The following GOLGA4 variants were observed in gnomAD, a reference collection of about 807,000 sequenced individuals.
GOLGA4 encodes golgin A4.
A neutral mutation model predicts 265.9 loss-of-function variants in GOLGA4; 169 were observed. The ratio of observed to expected loss-of-function variants is 0.64; its 90% CI spans 0.56 to 0.72. The LOEUF (loss-of-function observed/expected upper bound fraction) is 0.72, where lower values mean the gene tolerates loss of function less well. Among genes scored for constraint, GOLGA4 ranks in the 30% least tolerant of loss-of-function variants. The pLI is 0.00. For missense variants in GOLGA4, 2,482 were observed against 2,483.4 expected (o/e 1.00, Z 0.01); for synonymous variants, 923 against 855.8 (o/e 1.08, Z -1.37).
Position 37,257,953 on chromosome 3 carries a change from GTATATATGTATATATACATACATA to G in GOLGA4, c.162+6481_162+6504del, listed in dbSNP as rs2096755356. Among the ~76,000 whole-genome samples the G allele has an allele frequency of 3.0e-4, 28 of 93,152 alleles. 3 individuals are homozygous for G. The highest frequency in any genetic ancestry group is 1.5e-3 in the African/African-American group (28 of 18,632). The allele number at this position is 93,152 out of a possible 152,430, so 61.1% of individuals were successfully genotyped here. A position where few individuals can be genotyped will look rare whatever the true frequency, so the allele number is the denominator to read the frequency against. On this transcript the variant is annotated intron_variant, in intron 2 of 23. Coordinates refer to ENST00000361924, the MANE Select transcript of GOLGA4 (RefSeq NM_002078.5). ...TATATATACATACATATATATGTAT[GTATATATGTATATATACATACATA>G]TATATATGTATGTATATATGTATAT...
rs1372050378 is a variant in GOLGA4 at position 37,337,135 on chromosome 3, T to G, written c.6307-8T>G. 1 of 1,454,592 alleles carries G rather than the reference T, an allele frequency of 6.9e-7. No individual in the cohort carries two copies. Among genetic ancestry groups the G allele is most frequent in the Non-Finnish European group, 9.5e-7 (1 of 1,047,170 alleles). 90.1% of individuals were successfully genotyped at this position (1,454,592 alleles called of 1,614,324 possible). On this transcript the variant is annotated splice_polypyrimidine_tract_variant and splice_region_variant and intron_variant, in intron 17 of 23. Coordinates refer to ENST00000361924, the MANE Select transcript of GOLGA4 (RefSeq NM_002078.5). Reference sequence around the variant, plus strand: ...ATACACTCATGTTTTTTCTTTCCATTTTTTCAGGTAACAATTATGGAGCTA... The same window carrying G: ...ATACACTCATGTTTTTTCTTTCCATGTTTTCAGGTAACAATTATGGAGCTA...
At chr3:37,353,429 G>C (rs1353499479) in intron 21 of GOLGA4, among the ~76,000 whole-genome samples, 1 of 152,050 alleles carries the variant, frequency 6.6e-6, no homozygotes, top group Non-Finnish European at 1.5e-5. Context: ...TTGGTTTCTA[G>C]ACTTCAGTTT....
Position 37,298,731 on chromosome 3 carries a change from A to T in GOLGA4, c.815-102A>T, listed in dbSNP as rs1461361962. 11 of 753,942 alleles carry T rather than the reference A, an allele frequency of 1.5e-5. No individual in the cohort carries two copies. In the East Asian group the frequency reaches 2.3e-4, roughly 16 times the overall value. The allele number at this position is 753,942 out of a possible 1,614,324, so 46.7% of individuals were successfully genotyped here. ...AGCTTAAAGGTTAGAACCAAGATGG[A>T]GTCGGTTAGATTAGATCTCTTTGAC... On this transcript the variant is annotated intron_variant, in intron 7 of 23. Coordinates refer to ENST00000361924, the MANE Select transcript of GOLGA4 (RefSeq NM_002078.5).
chr3:37,289,258 TA>T lies in GOLGA4; in HGVS notation c.552del (p.Lys184AsnfsTer6). 1 of 1,597,572 alleles carries T rather than the reference TA, an allele frequency of 6.3e-7. No homozygotes were observed. The highest frequency in any genetic ancestry group is 1.7e-5 in the Admixed American group (1 of 58,726). ...LQGILSQSQD[K>X]SLRRIAELRE... ...AGGGTATATTAAGTCAGAGTCAGGA[TA>T]AATCACTTCGGAGAATAGCAGAATT... On this transcript the variant is annotated frameshift_variant, in exon 5 of 24. Transcript: ENST00000361924. LOFTEE classifies it high-confidence loss of function.
rs760820337 is a variant in GOLGA4 at position 37,326,997 on chromosome 3, A to C, written c.5111A>C (p.Glu1704Ala). ...KLKSVESSQS[E>A]TLIVPRSAKN... The stretch of plus-strand genomic sequence containing the variant: ...AAGTCAGTGGAAAGTTCACAGTCAG[A>C]AACATTAATTGTACCCAGATCAGCA... Residue 1704 changes from glutamate (E) to alanine (A), a missense_variant, in exon 14 of 24, where the codon GAA becomes GCA. By Grantham distance (107) the Glu-to-Ala change is moderately radical (BLOSUM62 -1). This residue lies in a region of GOLGA4 where 942 missense variants were observed against 983.1 expected (regional missense o/e 0.96). Transcript: ENST00000361924. 3.1e-6 allele frequency: 5 copies of C among 1,613,902 alleles called. No individual in the cohort carries two copies. In the South Asian group the frequency reaches 5.5e-5, roughly 18 times the overall value.
At chr3:37,320,796 C>T (rs919270597) in intron 12 of GOLGA4, among the ~76,000 whole-genome samples, 15 of 152,188 alleles carry the variant, frequency 9.9e-5, no homozygotes, top group African/African-American at 3.4e-4. Flanking sequence ...GGTACCTGTG[C>T]CTGCCCTTTT....
intron 21 of GOLGA4, among the ~76,000 whole-genome samples, chr3:37,349,857 G>A (rs1250321822): frequency 1.3e-5 from 2 of 152,112 alleles, no homozygotes; most frequent in African/African-American, 2.4e-5. Context: ...GTCTGCTTTT[G>A]TACACAGTGT....
chr3:37,350,448 A>G (rs1286584435), intron 21 of GOLGA4, among the ~76,000 whole-genome samples: 1 of 152,102 alleles, frequency 6.6e-6, no homozygotes, highest in Non-Finnish European at 1.5e-5. Context: ...ACTTTTTGGT[A>G]CTTGGAGCTT....
At chr3:37,243,657 A>C (rs764520014) in intron 1 of GOLGA4, 35 bp downstream of exon 1, 2 of 1,574,840 alleles carry the variant, frequency 1.3e-6, no homozygotes. Context: ...CCTGGTTCCG[A>C]ATACCTCTTG....
At chr3:37,251,239 T>A (rs2096732840) in intron 1 of GOLGA4, among the ~76,000 whole-genome samples, 156 bp from the exon 2 acceptor site, 1 of 152,214 alleles carries the variant, frequency 6.6e-6, no homozygotes, top group Non-Finnish European at 1.5e-5. Context: ...GTTTTCTAGT[T>A]GATTATATTT....
In GOLGA4 at chr3:37,248,771, T is replaced by C. The variant is rs1048882496; in HGVS notation, c.73-2624T>C. Among the ~76,000 whole-genome samples the C allele has an allele frequency of 7.9e-5, 12 of 152,338 alleles. 1 individual carries two copies. The highest frequency in any genetic ancestry group is 6.8e-3 in the Middle Eastern group (2 of 294). The stretch of plus-strand genomic sequence containing the variant: ...CAGAGCTGATGAGGCTCTCAGTTAC[T>C]GATTAGACCATATGAGGCCAAGGTG... On this transcript the variant is annotated intron_variant, in intron 1 of 23. Coordinates refer to ENST00000361924, the MANE Select transcript of GOLGA4 (RefSeq NM_002078.5).
chr3:37,259,631 C>T (rs1216983344), intron 2 of GOLGA4, among the ~76,000 whole-genome samples: 1 of 152,120 alleles, frequency 6.6e-6, no homozygotes, highest in East Asian at 1.9e-4. Context: ...TTTGGTTCCA[C>T]TTTCTTGTTG....
At chr3:37,280,356 G>T (rs552364260) in intron 2 of GOLGA4, among the ~76,000 whole-genome samples, 1 of 152,286 alleles carries the variant, frequency 6.6e-6, no homozygotes, top group East Asian at 1.9e-4. Flanking sequence ...CTTTCTGACG[G>T]TTCAGTGTAC....
At chr3:37,354,211 C>T (rs2097083805) in intron 21 of GOLGA4, among the ~76,000 whole-genome samples, 2 of 152,022 alleles carry the variant, frequency 1.3e-5, no homozygotes, top group Admixed American at 1.3e-4. Context: ...CCACTCTTCT[C>T]CCTTCCCCCA....
At chr3:37,355,687 T>C (rs1197218515) in intron 22 of GOLGA4, among the ~76,000 whole-genome samples, 1 of 152,118 alleles carries the variant, frequency 6.6e-6, no homozygotes, top group Non-Finnish European at 1.5e-5. Context: ...AAAAACATAG[T>C]GTGAAGTCAG....
Position 37,366,081 on chromosome 3 carries a change from C to T in GOLGA4, c.*35C>T, listed in dbSNP as rs1195157363. 2.0e-6 allele frequency: 3 copies of T among 1,529,096 alleles called. No homozygotes were observed. In the African/African-American group the frequency reaches 4.1e-5, roughly 21 times the overall value. The allele number at this position is 1,529,096 out of a possible 1,614,324, so 94.7% of individuals were successfully genotyped here. On this transcript the variant is annotated splice_region_variant and 3_prime_UTR_variant, in exon 24 of 24. Transcript: ENST00000361924. ...TCTCTTTTCCTTTTTCTTTTCCAGTCATGGCTCCGATCTTCATCTTGAAGA... is the reference window on the plus strand; with the variant it reads ...TCTCTTTTCCTTTTTCTTTTCCAGTTATGGCTCCGATCTTCATCTTGAAGA...
chr3:37,321,556 A>G (rs2096954803), intron 12 of GOLGA4, 175 bp from the exon 13 acceptor site: 1 of 566,474 alleles, frequency 1.8e-6, no homozygotes, highest in Non-Finnish European at 3.1e-6. Flanking sequence ...CCCCACTGGA[A>G]AAGCCATAGT....
At chr3:37,354,758 A>G (rs1282810519) in intron 21 of GOLGA4, among the ~76,000 whole-genome samples, 3 of 152,108 alleles carry the variant, frequency 2.0e-5, no homozygotes, top group Non-Finnish European at 4.4e-5. Context: ...ATGTTTTGGC[A>G]ATACATCACT....
chr3:37,357,981 C>T (rs1256006358), intron 22 of GOLGA4, among the ~76,000 whole-genome samples: 3 of 152,160 alleles, frequency 2.0e-5, no homozygotes, highest in Admixed American at 1.3e-4. Flanking sequence ...GGTTTCACTT[C>T]TATTAAAATC....
Sources: allele counts gnomAD v4.1 joint callset (sites outside exome capture counted in the v4.1 genomes callset), GRCh38; gene constraint gnomAD v4.1.1; regional missense constraint gnomAD v4.1.1; transcripts MANE v1.5; gene names NCBI Gene and HGNC (gene_info 2026-07-23, HGNC 2026-07-21).